IL1RAPL2: variants seen among roughly 807,000 people sequenced by gnomAD.
IL1RAPL2 encodes the protein X-linked interleukin-1 receptor accessory protein-like 2.
In IL1RAPL2, 3 loss-of-function variants were observed where a neutral mutation model predicts 44.1. That is an observed-to-expected ratio of 0.07 (90% confidence interval 0.03 to 0.18). IL1RAPL2 has a LOEUF of 0.18. Among genes scored for constraint, IL1RAPL2 ranks in the 10% least tolerant of loss-of-function variants. The probability of loss-of-function intolerance (pLI) is 1.00; values close to 1 mark genes in which losing one functional copy is unlikely to be tolerated. For missense variants in IL1RAPL2, 391 were observed against 496.4 expected (o/e 0.79, Z 2.02); for synonymous variants, 181 against 178.8 (o/e 1.01, Z -0.10).
chrX:104,633,202 T>A (rs1239230375), intron 1 of IL1RAPL2, among the ~76,000 whole-genome samples: 5 of 111,763 alleles, frequency 4.5e-5, no homozygotes, highest in Non-Finnish European at 9.4e-5. Flanking sequence ...CACTTGATCA[T>A]GGTGGATAAG....
intron 2 of IL1RAPL2, among the ~76,000 whole-genome samples, chrX:104,844,791 A>G (rs143143055): frequency 8.9e-6 from 1 of 111,898 alleles, no homozygotes; most frequent in Non-Finnish European, 1.9e-5. Flanking sequence ...AGTGACAAGT[A>G]TTCCACATAG....
At chrX:104,660,539 AT>A (rs1170195345) in intron 2 of IL1RAPL2, among the ~76,000 whole-genome samples, 1 of 102,488 alleles carries the variant, frequency 9.8e-6, no homozygotes, top group African/African-American at 3.5e-5. Context: ...GGCTGTTAAA[AT>A]ATATATATAT....
At chrX:105,067,704 G>A (rs1228494349) in intron 2 of IL1RAPL2, among the ~76,000 whole-genome samples, 1 of 111,957 alleles carries the variant, frequency 8.9e-6, no homozygotes, top group Non-Finnish European at 1.9e-5. Context: ...TGAACATTGT[G>A]AAATAAGTAC....
chrX:104,585,203 T>A (rs866199810), intron 1 of IL1RAPL2, among the ~76,000 whole-genome samples: 11 of 61,693 alleles, frequency 1.8e-4, no homozygotes, highest in African/African-American at 9.3e-4. Context: ...GTATATGTAT[T>A]ATATATACAC....
At chrX:105,223,947 T>C (rs1301210727) in intron 3 of IL1RAPL2, among the ~76,000 whole-genome samples, 2 of 111,245 alleles carry the variant, frequency 1.8e-5, no homozygotes, top group African/African-American at 6.5e-5. Context: ...GTGATAGTTA[T>C]ATTGAATTAT....
chrX:105,505,344 T>C (rs1210935974), intron 6 of IL1RAPL2, among the ~76,000 whole-genome samples: 1 of 111,654 alleles, frequency 9.0e-6, no homozygotes, highest in Non-Finnish European at 1.9e-5. Flanking sequence ...AGAGATTAAA[T>C]AAATTAACCT....
At chrX:104,794,305 C>T (rs762571948) in intron 2 of IL1RAPL2, among the ~76,000 whole-genome samples, 4 of 111,587 alleles carry the variant, frequency 3.6e-5, no homozygotes, top group African/African-American at 1.3e-4. Flanking sequence ...TGCTGGAGGT[C>T]GGAGGAGGGA....
chrX:105,341,966 A>G (rs1252450239), intron 5 of IL1RAPL2, among the ~76,000 whole-genome samples: 1 of 109,942 alleles, frequency 9.1e-6, no homozygotes, highest in Non-Finnish European at 1.9e-5. Flanking sequence ...ACACCATGGA[A>G]TACTATGCAG....
chrX:104,985,176 C>G (rs2030537157), intron 2 of IL1RAPL2, among the ~76,000 whole-genome samples: 1 of 110,111 alleles, frequency 9.1e-6, no homozygotes, highest in Non-Finnish European at 1.9e-5. Flanking sequence ...CAACCTCTGC[C>G]TCCCGGGTTC....
chrX:105,143,538 G>A (rs189908915), intron 2 of IL1RAPL2, among the ~76,000 whole-genome samples: 416 of 111,775 alleles, frequency 3.7e-3, no homozygotes, highest in African/African-American at 0.012. Context: ...ACAGTGTGGC[G>A]ATTCCTCAAG....
chrX:104,888,320 CAGAGAGAGAGAG>C (rs575416287), intron 2 of IL1RAPL2, among the ~76,000 whole-genome samples: 2 of 93,907 alleles, frequency 2.1e-5, no homozygotes, highest in South Asian at 5.1e-4. Context: ...AAGAGGGAGT[CAGAGAGAGAGAG>C]AGAGAGAGAG....
intron 5 of IL1RAPL2, among the ~76,000 whole-genome samples, chrX:105,422,148 C>T (rs758106399): frequency 1.3e-4 from 14 of 111,853 alleles, no homozygotes; most frequent in Non-Finnish European, 2.6e-4. Flanking sequence ...TTTAAATTGG[C>T]TTTGATGGAA....
At chrX:105,241,994 T>G (rs781972055) in intron 4 of IL1RAPL2, among the ~76,000 whole-genome samples, 96 of 112,163 alleles carry the variant, frequency 8.6e-4, no homozygotes, top group African/African-American at 3.0e-3. Context: ...ATTTTTATTT[T>G]TAGTGAAAAA....
chrX:105,499,135 T>C (rs1464846711), intron 6 of IL1RAPL2, among the ~76,000 whole-genome samples: 2 of 111,483 alleles, frequency 1.8e-5, no homozygotes, highest in African/African-American at 6.5e-5. Flanking sequence ...TGGTTCCTGG[T>C]TCCAAAAATG....
At chrX:105,047,788 C>A (rs2031860784) in intron 2 of IL1RAPL2, among the ~76,000 whole-genome samples, 1 of 111,470 alleles carries the variant, frequency 9.0e-6, no homozygotes, top group Non-Finnish European at 1.9e-5. Context: ...AATAGAGATG[C>A]TAACTGAAGA....
chrX:105,536,051 C>T (rs765925105), intron 6 of IL1RAPL2, among the ~76,000 whole-genome samples: 18 of 111,189 alleles, frequency 1.6e-4, no homozygotes, highest in African/African-American at 5.2e-4. Flanking sequence ...ATATATAGTT[C>T]TTTTTTTACA....
At chrX:105,195,784 G>A (rs1556140731) in intron 3 of IL1RAPL2, 36 bp downstream of exon 3, 2 of 1,182,624 alleles carry the variant, frequency 1.7e-6, no homozygotes, top group African/African-American at 3.5e-5. Flanking sequence ...CAATCACATG[G>A]CTGATAGTCT....
At chrX:104,728,922 G>A (rs1332973734) in intron 2 of IL1RAPL2, among the ~76,000 whole-genome samples, 1 of 111,678 alleles carries the variant, frequency 9.0e-6, no homozygotes, top group Non-Finnish European at 1.9e-5. Context: ...ACTGTAATAG[G>A]TAAGTATAAT....
intron 2 of IL1RAPL2, among the ~76,000 whole-genome samples, chrX:104,825,732 A>T (rs1176058862): frequency 8.9e-6 from 1 of 112,186 alleles, no homozygotes; most frequent in African/African-American, 3.2e-5. Context: ...AGTTGCAGAT[A>T]TCAGTTGCTC....
Sources: allele counts gnomAD v4.1 joint callset (sites outside exome capture counted in the v4.1 genomes callset), GRCh38; gene constraint gnomAD v4.1.1; transcripts MANE v1.5; gene names NCBI Gene and HGNC (gene_info 2026-07-23, HGNC 2026-07-21).